Variants in CADM2 observed in about 807,000 individuals in gnomAD.
CADM2 encodes immunoglobulin superfamily member 4D.
CADM2 carries 12 observed loss-of-function variants against 49.8 expected under a neutral mutation model. The ratio of observed to expected loss-of-function variants is 0.24; its 90% CI spans 0.15 to 0.39. The LOEUF (loss-of-function observed/expected upper bound fraction) is 0.39. CADM2 is among the 10% of genes least tolerant of loss of function. The pLI is 1.00. For missense variants in CADM2, 378 were observed against 492.3 expected, an observed-to-expected ratio of 0.77 and a Z score of 2.20; for synonymous variants, 214 against 175.4, an observed-to-expected ratio of 1.22 and a Z score of -1.74.
At position 85,483,481 on chromosome 3, in the gene CADM2, G is replaced by A. The variant is rs528009619; in HGVS notation, c.62-243041G>A. On this transcript the variant is annotated intron_variant, in intron 1 of 9. Coordinates refer to ENST00000383699, the MANE Select transcript of CADM2 (RefSeq NM_001167675.2). Reference sequence around the variant, plus strand: ...TTATCATATGTTCAATTAGTTTATTGAACTTTGAGAATTGACTTAATTATA... The same window carrying A: ...TTATCATATGTTCAATTAGTTTATTAAACTTTGAGAATTGACTTAATTATA... Among the ~76,000 whole-genome samples, 7 of 150,774 alleles carry A rather than the reference G, an allele frequency of 4.6e-5. No homozygotes were observed. In the South Asian group the frequency reaches 1.5e-3, roughly 32 times the overall value.
At chr3:85,839,073 G>A (rs1272484668) in intron 3 of CADM2, among the ~76,000 whole-genome samples, 1 of 151,606 alleles carries the variant, frequency 6.6e-6, no homozygotes, top group Non-Finnish European at 1.5e-5. Context: ...TGAGAGCCTT[G>A]GTTTAATATT....
intron 1 of CADM2, among the ~76,000 whole-genome samples, chr3:85,070,402 G>A (rs1016319849): frequency 2.0e-5 from 3 of 152,120 alleles, no homozygotes; most frequent in African/African-American, 7.2e-5. Flanking sequence ...AGAAAGACTA[G>A]ATTCCTCTCC....
chr3:85,611,357 G>A (rs1008754871), intron 1 of CADM2, among the ~76,000 whole-genome samples: 2 of 151,450 alleles, frequency 1.3e-5, no homozygotes, highest in African/African-American at 4.8e-5. Context: ...CAACCTTCTA[G>A]AACATTGCCA....
chr3:85,283,542 G>A (rs1051587957), intron 1 of CADM2, among the ~76,000 whole-genome samples: 1 of 151,922 alleles, frequency 6.6e-6, no homozygotes, highest in African/African-American at 2.4e-5. Context: ...AAATGGGCTG[G>A]TGTTCTGTAT....
At chr3:84,984,356 TAAAAAAAAAAAAAA>T (rs375702349) in intron 1 of CADM2, among the ~76,000 whole-genome samples, 1,276 of 67,142 alleles carry the variant, frequency 0.019, 72 homozygotes, top group African/African-American at 0.088. Flanking sequence ...AAGATTAAGC[TAAAAAAAAAAAAAA>T]AAAAAAAAAA....
At chr3:85,663,151 T>A (rs1246060670) in intron 1 of CADM2, among the ~76,000 whole-genome samples, 2 of 152,044 alleles carry the variant, frequency 1.3e-5, no homozygotes, top group African/African-American at 4.8e-5. Flanking sequence ...GTAATGTCCT[T>A]AATCTTTGTT....
At chr3:85,758,814 G>T (rs2069239845) in intron 2 of CADM2, among the ~76,000 whole-genome samples, 3 of 152,118 alleles carry the variant, frequency 2.0e-5, no homozygotes, top group African/African-American at 7.2e-5. Flanking sequence ...AGAAGTATCA[G>T]TGTTCTGGCT....
At chr3:85,334,696 A>G (rs1160317531) in intron 1 of CADM2, among the ~76,000 whole-genome samples, 1 of 151,626 alleles carries the variant, frequency 6.6e-6, no homozygotes, top group Non-Finnish European at 1.5e-5. Flanking sequence ...AAATGCCTTA[A>G]GAAGGTTCTA....
chr3:85,181,815 A>G (rs1309851670), intron 1 of CADM2, among the ~76,000 whole-genome samples: 2 of 150,562 alleles, frequency 1.3e-5, no homozygotes, highest in African/African-American at 4.9e-5. Context: ...TATATTATAT[A>G]TAGTTTTAAT....
intron 1 of CADM2, among the ~76,000 whole-genome samples, chr3:85,496,523 A>T (rs976280822): frequency 1.3e-5 from 2 of 152,110 alleles, no homozygotes; most frequent in African/African-American, 4.8e-5. Context: ...GTGTCTTTTT[A>T]GTAGAATGAT....
At chr3:85,511,974 A>C (rs2040638095) in intron 1 of CADM2, 1 of 694,396 alleles carries the variant, frequency 1.4e-6, no homozygotes, top group South Asian at 6.4e-5. Context: ...GTTTTGAAAA[A>C]AATGTTTTAA....
chr3:85,123,859 G>A (rs2038942943), intron 1 of CADM2, among the ~76,000 whole-genome samples: 1 of 152,052 alleles, frequency 6.6e-6, no homozygotes, highest in African/African-American at 2.4e-5. Context: ...AGCAAAAATT[G>A]CACAAGACAA....
rs541432882 is a variant in CADM2 at position 85,434,137 on chromosome 3, A to C, written c.62-292385A>C. Among the ~76,000 whole-genome samples the C allele has an allele frequency of 6.6e-5, 10 of 152,198 alleles. No homozygotes were observed. The South Asian group carries it at 2.1e-3, about 32-fold the overall frequency. ...TTACCTAATATCTACTAAAATTTTA[A>C]CAATGTTTCTCATATTATTTTCAGT... On this transcript the variant is annotated intron_variant, in intron 1 of 9. Transcript: ENST00000383699.
At chr3:85,244,166 A>G (rs1388149390) in intron 1 of CADM2, among the ~76,000 whole-genome samples, 1 of 152,118 alleles carries the variant, frequency 6.6e-6, no homozygotes, top group East Asian at 1.9e-4. Context: ...TTATCTGTGA[A>G]AATACTGGGT....
intron 8 of CADM2, among the ~76,000 whole-genome samples, chr3:86,035,035 G>A (rs1734984970): frequency 6.6e-6 from 1 of 151,940 alleles, no homozygotes; most frequent in African/African-American, 2.4e-5. Flanking sequence ...TCATGTTATA[G>A]ACAGAATAGT....
At chr3:85,812,857 T>A (rs1216872086) in intron 3 of CADM2, among the ~76,000 whole-genome samples, 1 of 152,174 alleles carries the variant, frequency 6.6e-6, no homozygotes, top group African/African-American at 2.4e-5. Flanking sequence ...GTTTCATCCA[T>A]GTCCCTGCAA....
intron 1 of CADM2, among the ~76,000 whole-genome samples, chr3:85,002,988 G>T (rs1187420831): frequency 2.0e-5 from 3 of 151,912 alleles, no homozygotes; most frequent in Non-Finnish European, 4.4e-5. Flanking sequence ...AGAGATGGGG[G>T]TCTCTGTTTC....
chr3:85,325,658 C>T (rs992209755), intron 1 of CADM2, among the ~76,000 whole-genome samples: 4 of 147,572 alleles, frequency 2.7e-5, no homozygotes, highest in Admixed American at 6.9e-5. Flanking sequence ...CCATTGCACT[C>T]CAACCTGGGC....
intron 6 of CADM2, among the ~76,000 whole-genome samples, chr3:85,932,800 G>T (rs1720766165): frequency 6.6e-6 from 1 of 152,092 alleles, no homozygotes; most frequent in Non-Finnish European, 1.5e-5. Flanking sequence ...TCAACACTTT[G>T]AATAATTTTG....
Sources: gnomAD v4.1 joint callset for allele counts (sites outside exome capture counted in the v4.1 genomes callset) on GRCh38, gnomAD v4.1.1 for gene constraint, MANE v1.5 for transcripts, NCBI Gene and HGNC (gene_info 2026-07-23, HGNC 2026-07-21) for gene names.